PITPNB: variants seen among roughly 807,000 people sequenced by gnomAD.
PITPNB encodes the protein phosphatidylinositol transfer protein beta isoform.
PITPNB carries 16 observed loss-of-function variants against 45.9 expected under a neutral mutation model. The ratio of observed to expected loss-of-function variants is 0.35; its 90% CI spans 0.24 to 0.53. The LOEUF (loss-of-function observed/expected upper bound fraction) is 0.53. Among genes scored for constraint, PITPNB ranks in the 20% least tolerant of loss-of-function variants. The pLI is 0.93. For missense variants in PITPNB, 188 were observed against 330.5 expected (o/e 0.57, Z 3.34); for synonymous variants, 112 against 108.9 (o/e 1.03, Z -0.18).
intron 7 of PITPNB, among the ~76,000 whole-genome samples, chr22:27,881,641 G>A (rs1023227284): frequency 6.6e-5 from 10 of 152,126 alleles, no homozygotes; most frequent in Non-Finnish European, 1.0e-4. Flanking sequence ...CTAAAGAGCC[G>A]GGTAGCCACT....
At chr22:27,878,612 AT>A (rs977489325) in intron 7 of PITPNB, among the ~76,000 whole-genome samples, 3 of 152,264 alleles carry the variant, frequency 2.0e-5, no homozygotes, top group African/African-American at 7.2e-5. Context: ...CTTGGAATAC[AT>A]AATCATTCAG....
At chr22:27,918,221 T>A (rs1936143557) in intron 1 of PITPNB, among the ~76,000 whole-genome samples, 1 of 152,176 alleles carries the variant, frequency 6.6e-6, no homozygotes, top group Non-Finnish European at 1.5e-5. Flanking sequence ...AGTGACTTTT[T>A]AAAGGAGGTT....
chr22:27,874,000 A>G (rs1351818041), intron 7 of PITPNB, among the ~76,000 whole-genome samples, 185 bp from the exon 8 acceptor site: 2 of 152,242 alleles, frequency 1.3e-5, no homozygotes, highest in African/African-American at 4.8e-5. Flanking sequence ...CCTTTGCTTT[A>G]AACTTTTACC....
chr22:27,884,078 A>G (rs1385129466), intron 7 of PITPNB, among the ~76,000 whole-genome samples: 2 of 152,212 alleles, frequency 1.3e-5, no homozygotes, highest in Non-Finnish European at 2.9e-5. Context: ...TCTGCTGGAA[A>G]GAGATGTTGC....
intron 3 of PITPNB, among the ~76,000 whole-genome samples, chr22:27,898,982 T>C (rs573667702): frequency 6.6e-5 from 10 of 152,154 alleles, no homozygotes; most frequent in East Asian, 1.9e-4. Context: ...CTGTAAAGAG[T>C]AGTTTTGCTT....
At chr22:27,856,989 A>T (rs950290313) in intron 10 of PITPNB, among the ~76,000 whole-genome samples, 1 of 152,324 alleles carries the variant, frequency 6.6e-6, no homozygotes, top group Admixed American at 6.5e-5. Flanking sequence ...AAAGAAAGGT[A>T]GGAAGTGCCC....
In PITPNB at chr22:27,873,766, T is replaced by C. The variant is rs1264080111; in HGVS notation, c.506A>G (p.Lys169Arg). Residue 169 changes from lysine (K) to arginine (R), a missense_variant, in exon 8 of 12, where the codon AAG (lysine) becomes AGG (arginine). By Grantham distance (26) the Lys-to-Arg change is conservative. Coordinates refer to ENST00000335272, the MANE Select transcript of PITPNB (RefSeq NM_012399.5). ...DPALFQSVKT[K>R]RGPLGPNWKK... ...CCAGTTGGGTCCCAAAGGGCCTCTC[T>C]TGGTCTTGACTGACTGGAATAATGC... The C allele has an allele frequency of 1.1e-5, 17 of 1,613,172 alleles. No individual in the cohort carries two copies. The highest frequency in any genetic ancestry group is 1.4e-5 in the Non-Finnish European group (17 of 1,179,094).
At chr22:27,874,602 C>A (rs1934765161) in intron 7 of PITPNB, among the ~76,000 whole-genome samples, 1 of 152,178 alleles carries the variant, frequency 6.6e-6, no homozygotes, top group Non-Finnish European at 1.5e-5. Context: ...TAAAATCTAT[C>A]TGCTTTACAA....
intron 8 of PITPNB, among the ~76,000 whole-genome samples, chr22:27,870,880 C>G (rs919636614): frequency 3.3e-5 from 5 of 152,210 alleles, no homozygotes; most frequent in African/African-American, 9.7e-5. Context: ...TTCTTGACTG[C>G]ACTAGTTATT....
At chr22:27,871,857 C>T (rs995065685) in intron 8 of PITPNB, among the ~76,000 whole-genome samples, 6 of 152,062 alleles carry the variant, frequency 3.9e-5, no homozygotes, top group Admixed American at 1.3e-4. Flanking sequence ...TCATGAATAG[C>T]TTGGGCCATC....
intron 3 of PITPNB, 143 bp from the exon 4 acceptor site, chr22:27,898,035 T>A (rs1231183567): frequency 3.2e-6 from 2 of 626,408 alleles, no homozygotes; most frequent in East Asian, 5.5e-5. Flanking sequence ...CCTAAAGTAA[T>A]CCAGTAGAAA....
intron 9 of PITPNB, among the ~76,000 whole-genome samples, chr22:27,859,217 C>A (rs1601375389): frequency 6.6e-6 from 1 of 152,186 alleles, no homozygotes; most frequent in African/African-American, 2.4e-5. Context: ...TTTATCAGAA[C>A]TGGATTGTTA....
chr22:27,894,427 G>C (rs546758825), intron 7 of PITPNB, 128 bp downstream of exon 7: 1 of 598,692 alleles, frequency 1.7e-6, no homozygotes. Flanking sequence ...AGCTCACTTC[G>C]GCATAGAAAT....
At chr22:27,866,137 A>T (rs1373089641) in intron 8 of PITPNB, among the ~76,000 whole-genome samples, 1 of 152,240 alleles carries the variant, frequency 6.6e-6, no homozygotes, top group African/African-American at 2.4e-5. Flanking sequence ...AACAATCAAA[A>T]GTTCTACAAG....
chr22:27,890,397 T>G (rs143032303), intron 7 of PITPNB, among the ~76,000 whole-genome samples: 4 of 152,048 alleles, frequency 2.6e-5, no homozygotes, highest in African/African-American at 9.6e-5. Context: ...AATCCTTACG[T>G]AACAGTTCTT....
Position 27,858,525 on chromosome 22 carries a change from C to A in PITPNB, c.646-16G>T. The A allele has an allele frequency of 1.3e-6, 2 of 1,597,828 alleles. No individual in the cohort carries two copies. The highest frequency in any genetic ancestry group is 1.8e-5 in the Admixed American group (1 of 57,076). On this transcript the variant is annotated splice_polypyrimidine_tract_variant and intron_variant, in intron 9 of 11. Transcript: ENST00000335272. Reference sequence around the variant, plus strand: ...GTTTTTCTTGCTTTTAAAACAACAACAAAAAAGTAGCATAAGATGACAAAA... The same window carrying A: ...GTTTTTCTTGCTTTTAAAACAACAAAAAAAAAGTAGCATAAGATGACAAAA...
At chr22:27,914,791 T>C (rs1272506479) in intron 1 of PITPNB, among the ~76,000 whole-genome samples, 1 of 152,218 alleles carries the variant, frequency 6.6e-6, no homozygotes, top group African/African-American at 2.4e-5. Flanking sequence ...TCTCATTGAA[T>C]AAACGCTTCC....
intron 10 of PITPNB, among the ~76,000 whole-genome samples, chr22:27,855,763 G>A (rs1367525144): frequency 3.9e-5 from 6 of 152,198 alleles, no homozygotes; most frequent in South Asian, 4.1e-4. Context: ...CAAGATGCTA[G>A]TTCTCTCCAG....
chr22:27,908,919 T>C (rs547808294), intron 3 of PITPNB, among the ~76,000 whole-genome samples: 18 of 151,952 alleles, frequency 1.2e-4, no homozygotes, highest in African/African-American at 4.1e-4. Flanking sequence ...ATGATAAAAT[T>C]TAAGGTTCTA....
Sources: allele counts gnomAD v4.1 joint callset (sites outside exome capture counted in the v4.1 genomes callset), GRCh38; gene constraint gnomAD v4.1.1; transcripts MANE v1.5; gene names NCBI Gene and HGNC (gene_info 2026-07-23, HGNC 2026-07-21).